Variants in PDE4D observed in about 807,000 individuals in gnomAD.
PDE4D encodes phosphodiesterase 4D, also known as 3',5'-cyclic-AMP phosphodiesterase 4D.
In PDE4D, 24 loss-of-function variants were observed where a neutral mutation model predicts 87.4. The ratio of observed to expected loss-of-function variants is 0.27; its 90% CI spans 0.20 to 0.39. The LOEUF (loss-of-function observed/expected upper bound fraction) is 0.39. Among genes scored for constraint, PDE4D ranks in the 10% least tolerant of loss-of-function variants. PDE4D has a pLI of 1.00. For missense variants in PDE4D, 714 were observed against 1,041.0 expected (o/e 0.69, Z 4.32); for synonymous variants, 384 against 383.2 (o/e 1.00, Z -0.02).
intron 1 of PDE4D, among the ~76,000 whole-genome samples, chr5:59,824,821 A>G (rs566726764): frequency 1.6e-4 from 24 of 152,256 alleles, no homozygotes; most frequent in Middle Eastern, 3.4e-3. Flanking sequence ...TCTCACTACA[A>G]TGAGAAGCAG....
chr5:59,925,534 T>A (rs1002089270), intron 3 of PDE4D, among the ~76,000 whole-genome samples: 1 of 152,164 alleles, frequency 6.6e-6, no homozygotes, highest in African/African-American at 2.4e-5. Context: ...TAATATTGAA[T>A]ATCAATGGAC....
At chr5:59,281,005 C>G (rs1765702796) in intron 1 of PDE4D, among the ~76,000 whole-genome samples, 2 of 152,076 alleles carry the variant, frequency 1.3e-5, no homozygotes, top group Admixed American at 1.3e-4. Flanking sequence ...AAACATACAG[C>G]CATCCTTCTC....
chr5:59,025,706 T>C (rs1756085687), intron 6 of PDE4D, among the ~76,000 whole-genome samples: 1 of 152,266 alleles, frequency 6.6e-6, no homozygotes, highest in African/African-American at 2.4e-5. Flanking sequence ...AAAACACTAC[T>C]GTTTATACAA....
intron 1 of PDE4D, among the ~76,000 whole-genome samples, chr5:59,880,229 C>T (rs533245653): frequency 6.6e-6 from 1 of 152,080 alleles, no homozygotes; most frequent in African/African-American, 2.4e-5. Context: ...CCCCAGCCTC[C>T]TGAGTAGGTG....
At chr5:59,557,398 A>C (rs950776823) in intron 1 of PDE4D, among the ~76,000 whole-genome samples, 9 of 152,312 alleles carry the variant, frequency 5.9e-5, no homozygotes, top group African/African-American at 2.2e-4. Flanking sequence ...TTTTCTGGCC[A>C]GGTTGGCATT....
intron 1 of PDE4D, among the ~76,000 whole-genome samples, chr5:60,347,747 C>A (rs1223878055): frequency 2.6e-5 from 4 of 152,228 alleles, no homozygotes; most frequent in African/African-American, 9.6e-5. Flanking sequence ...ACCTCTCATA[C>A]CCTGGAAGAG....
chr5:60,472,913 C>T (rs1303665885), intron 1 of PDE4D, among the ~76,000 whole-genome samples: 1 of 152,004 alleles, frequency 6.6e-6, no homozygotes, highest in Non-Finnish European at 1.5e-5. Context: ...TGAACACATT[C>T]GAGGTAGGCT....
chr5:59,898,435 C>T (rs568520485), upstream of PDE4D, among the ~76,000 whole-genome samples: 10 of 152,110 alleles, frequency 6.6e-5, no homozygotes, highest in Non-Finnish European at 1.0e-4. Flanking sequence ...TATACTGATG[C>T]GGATATGTAG....
chr5:60,430,653 A>C (rs1744167220), intron 1 of PDE4D: 1 of 218,454 alleles, frequency 4.6e-6, no homozygotes, highest in Non-Finnish European at 8.9e-6. Context: ...ACAAGTGAAC[A>C]AAGGTCTCTG....
intron 1 of PDE4D, among the ~76,000 whole-genome samples, chr5:59,658,325 A>G (rs1744704109): frequency 6.6e-6 from 1 of 152,138 alleles, no homozygotes. Context: ...TTGCTGAATT[A>G]AAACCCTCAA....
intron 3 of PDE4D, among the ~76,000 whole-genome samples, chr5:59,925,682 C>T (rs746911134): frequency 6.6e-5 from 10 of 151,750 alleles, no homozygotes; most frequent in South Asian, 6.2e-4. Context: ...ATATATTCCA[C>T]GTAAATGGAA....
chr5:59,223,436 T>C (rs1342257640), intron 1 of PDE4D, among the ~76,000 whole-genome samples: 1 of 152,146 alleles, frequency 6.6e-6, no homozygotes. Flanking sequence ...TTGTAGCTCA[T>C]GCTGTTAGCC....
rs113788565 is a variant in PDE4D, at chr5:59,279,100, C to G, written c.456-63132G>C. Among the ~76,000 whole-genome samples, 36 of 152,192 alleles carry G rather than the reference C, an allele frequency of 2.4e-4. 2 individuals are homozygous for G. The highest frequency in any genetic ancestry group is 8.2e-4 in the African/African-American group (34 of 41,530). ...ATCAAATCTTCTGTTCTCTAAATTC[C>G]TATTTTCAGATTACAATAGATATTC... On this transcript the variant is annotated intron_variant, in intron 1 of 14. Coordinates refer to ENST00000340635, the MANE Select transcript of PDE4D (RefSeq NM_001104631.2).
intron 1 of PDE4D, among the ~76,000 whole-genome samples, chr5:60,289,380 G>C (rs956089703): frequency 1.3e-5 from 2 of 152,050 alleles, no homozygotes; most frequent in African/African-American, 2.4e-5. Flanking sequence ...AAAAAGTTCT[G>C]GAGTAAATTT....
At chr5:60,183,901 A>G (rs984583300) in intron 2 of PDE4D, among the ~76,000 whole-genome samples, 3 of 152,192 alleles carry the variant, frequency 2.0e-5, no homozygotes, top group Admixed American at 6.5e-5. Flanking sequence ...TCTGATAAAC[A>G]TTAACTTCTG....
chr5:59,006,338 G>C (rs1461736798), intron 6 of PDE4D, among the ~76,000 whole-genome samples: 1 of 152,236 alleles, frequency 6.6e-6, no homozygotes, highest in Non-Finnish European at 1.5e-5. Context: ...GCCAATGCGG[G>C]AGGATTGCTT....
chr5:60,157,946 G>A (rs1055969755), intron 2 of PDE4D, among the ~76,000 whole-genome samples: 5 of 121,224 alleles, frequency 4.1e-5, no homozygotes, highest in African/African-American at 9.6e-5. Flanking sequence ...CACCCTCTTC[G>A]TCTCTTTCTT....
intron 1 of PDE4D, among the ~76,000 whole-genome samples, chr5:59,521,404 T>A (rs527603887): frequency 4.6e-5 from 7 of 152,308 alleles, no homozygotes; most frequent in African/African-American, 1.7e-4. Context: ...AAGTCTTGTA[T>A]GGAAGGGAGA....
intron 3 of PDE4D, among the ~76,000 whole-genome samples, chr5:59,975,358 T>C (rs988465301): frequency 1.2e-4 from 19 of 152,226 alleles, no homozygotes; most frequent in Admixed American, 1.2e-3. Context: ...AAATTACCTC[T>C]AGCACTTACA....
Sources: gnomAD v4.1 joint callset for allele counts (sites outside exome capture counted in the v4.1 genomes callset) on GRCh38, gnomAD v4.1.1 for gene constraint, MANE v1.5 for transcripts, NCBI Gene and HGNC (gene_info 2026-07-23, HGNC 2026-07-21) for gene names.